Variants in CPED1 observed in about 807,000 individuals in gnomAD.
CPED1 encodes cadherin like and PC-esterase domain containing 1, also known as cadherin-like and PC-esterase domain-containing protein 1.
CPED1 carries 114 observed loss-of-function variants against 128.2 expected under a neutral mutation model. That is an observed-to-expected ratio of 0.89 (90% CI 0.76 to 1.04). The LOEUF (loss-of-function observed/expected upper bound fraction) is 1.04, where lower values mean the gene tolerates loss of function less well. Among genes scored for constraint, CPED1 ranks in the 50% least tolerant of loss-of-function variants. The probability of loss-of-function intolerance (pLI) is 0.00; values close to 1 mark genes in which losing one functional copy is unlikely to be tolerated. For missense variants in CPED1, 1,211 were observed against 1,207.1 expected (o/e 1.00, Z -0.05); for synonymous variants, 462 against 426.7 (o/e 1.08, Z -1.02).
intron 16 of CPED1, among the ~76,000 whole-genome samples, chr7:121,217,833 T>C (rs1004932911): frequency 1.3e-5 from 2 of 152,006 alleles, no homozygotes; most frequent in Non-Finnish European, 2.9e-5. Flanking sequence ...TGTTTGTAAA[T>C]GTTTGTTTCC....
At chr7:121,183,055 A>C (rs994362545) in intron 16 of CPED1, among the ~76,000 whole-genome samples, 2 of 152,066 alleles carry the variant, frequency 1.3e-5, no homozygotes, top group Non-Finnish European at 2.9e-5. Flanking sequence ...GAATCATCCA[A>C]GAAACTGCAG....
At chr7:121,061,797 G>A (rs186516143) in intron 4 of CPED1, among the ~76,000 whole-genome samples, 1 of 152,326 alleles carries the variant, frequency 6.6e-6, no homozygotes, top group East Asian at 1.9e-4. Context: ...ATATAGAAGA[G>A]TATTACTAGG....
chr7:121,066,118 A>T (rs1280295781), intron 5 of CPED1, among the ~76,000 whole-genome samples: 1 of 152,154 alleles, frequency 6.6e-6, no homozygotes. Context: ...ACGTGTCAGC[A>T]CCTAAATATA....
At chr7:121,192,750 T>C (rs991258184) in intron 16 of CPED1, among the ~76,000 whole-genome samples, 5 of 152,154 alleles carry the variant, frequency 3.3e-5, no homozygotes, top group African/African-American at 4.8e-5. Flanking sequence ...ATTCATTTCC[T>C]CACTTGAATA....
At chr7:121,149,309 A>G (rs976526045) in intron 16 of CPED1, among the ~76,000 whole-genome samples, 2 of 152,168 alleles carry the variant, frequency 1.3e-5, no homozygotes, top group African/African-American at 4.8e-5. Flanking sequence ...GGTTTTGTTT[A>G]ACATTCAGTT....
intron 3 of CPED1, among the ~76,000 whole-genome samples, chr7:121,016,684 T>C (rs1244989788): frequency 1.3e-5 from 2 of 152,232 alleles, no homozygotes; most frequent in Non-Finnish European, 2.9e-5. Context: ...TTTTACCTCT[T>C]TGATACTTCA....
At chr7:121,235,168 A>C (rs1055324891) in intron 16 of CPED1, among the ~76,000 whole-genome samples, 5 of 152,140 alleles carry the variant, frequency 3.3e-5, no homozygotes, top group Non-Finnish European at 7.4e-5. Flanking sequence ...TCCACTAAAA[A>C]TAAATGGTTG....
chr7:121,122,047 G>A (rs1414164525), intron 7 of CPED1, among the ~76,000 whole-genome samples: 2 of 151,912 alleles, frequency 1.3e-5, no homozygotes, highest in African/African-American at 2.4e-5. Flanking sequence ...TTCATATGAA[G>A]CACTCGCGTG....
chr7:121,070,140 A>G (rs181515171), intron 5 of CPED1, among the ~76,000 whole-genome samples: 3 of 150,632 alleles, frequency 2.0e-5, no homozygotes, highest in African/African-American at 7.3e-5. Flanking sequence ...TATAGATACT[A>G]TTTACTACCA....
intron 7 of CPED1, among the ~76,000 whole-genome samples, chr7:121,116,013 A>G (rs1412424103): frequency 6.6e-6 from 1 of 152,194 alleles, no homozygotes; most frequent in Non-Finnish European, 1.5e-5. Flanking sequence ...ATATAATGCA[A>G]TCAAGGGTCC....
At chr7:121,228,088 T>G (rs1185377471) in intron 16 of CPED1, among the ~76,000 whole-genome samples, 1 of 152,054 alleles carries the variant, frequency 6.6e-6, no homozygotes, top group Non-Finnish European at 1.5e-5. Context: ...GACATTGGTT[T>G]AGGCAAATAA....
intron 3 of CPED1, among the ~76,000 whole-genome samples, chr7:121,038,768 T>C (rs1254666057): frequency 1.3e-5 from 2 of 152,080 alleles, no homozygotes; most frequent in African/African-American, 4.8e-5. Context: ...TTTATGACCT[T>C]GACAGTTTTG....
chr7:121,112,549 T>C (rs1563030036), intron 7 of CPED1, among the ~76,000 whole-genome samples: 1 of 152,192 alleles, frequency 6.6e-6, no homozygotes, highest in Admixed American at 6.5e-5. Flanking sequence ...CGTGGCCATG[T>C]GGACATCTTG....
At chr7:121,006,826 T>C (rs932035972) in intron 2 of CPED1, among the ~76,000 whole-genome samples, 1 of 152,090 alleles carries the variant, frequency 6.6e-6, no homozygotes, top group Admixed American at 6.6e-5. Flanking sequence ...CTGTGCAACG[T>C]GGGTGGCATC....
At chr7:121,032,523 G>T (rs1038327665) in intron 3 of CPED1, among the ~76,000 whole-genome samples, 1 of 147,110 alleles carries the variant, frequency 6.8e-6, no homozygotes, top group African/African-American at 2.5e-5. Flanking sequence ...ATCATACCGC[G>T]GGGGGGGCCT....
At chr7:121,087,292 T>G (rs1794448649) in intron 5 of CPED1, among the ~76,000 whole-genome samples, 1 of 152,196 alleles carries the variant, frequency 6.6e-6, no homozygotes, top group South Asian at 2.1e-4. Context: ...TAACTCCCTC[T>G]AGCTCACTAA....
At chr7:121,061,534 G>A (rs1222871646) in intron 4 of CPED1, among the ~76,000 whole-genome samples, 1 of 152,194 alleles carries the variant, frequency 6.6e-6, no homozygotes, top group African/African-American at 2.4e-5. Flanking sequence ...GTTAATAATG[G>A]AGGAGGCTGT....
At chr7:121,052,565 A>C (rs1026541798) in intron 4 of CPED1, among the ~76,000 whole-genome samples, 1 of 152,188 alleles carries the variant, frequency 6.6e-6, no homozygotes, top group Non-Finnish European at 1.5e-5. Flanking sequence ...TGCGTGAGTC[A>C]CTGGAGGCGA....
intron 7 of CPED1, among the ~76,000 whole-genome samples, chr7:121,112,180 G>A (rs1313431607): frequency 1.3e-5 from 2 of 152,152 alleles, no homozygotes; most frequent in Admixed American, 6.5e-5. Flanking sequence ...GTTTTTGCTT[G>A]TATAGTAGAT....
Sources: allele counts gnomAD v4.1 joint callset (sites outside exome capture counted in the v4.1 genomes callset), GRCh38; gene constraint gnomAD v4.1.1; transcripts MANE v1.5; gene names NCBI Gene and HGNC (gene_info 2026-07-23, HGNC 2026-07-21).